Variants in NPC1 observed in about 807,000 individuals in gnomAD.
NPC1 encodes NPC intracellular cholesterol transporter 1, also known as Niemann-Pick C1 protein.
Under a neutral mutation model 140.4 loss-of-function variants are expected in NPC1, and 85 were observed. That is an observed-to-expected ratio of 0.61 (90% CI 0.51 to 0.72). The LOEUF (loss-of-function observed/expected upper bound fraction) is 0.72. Among genes scored for constraint, NPC1 ranks in the 30% least tolerant of loss-of-function variants. The pLI, the probability that NPC1 is intolerant of heterozygous loss-of-function variation, is 0.00. For synonymous variants in NPC1, 656 were observed against 624.8 expected (o/e 1.05, Z -0.74); for missense variants, 1,504 against 1,623.8 (o/e 0.93, Z 1.27).
intron 3 of NPC1, among the ~76,000 whole-genome samples, chr18:23,508,437 T>C (rs1259323090): frequency 6.6e-6 from 1 of 152,188 alleles, no homozygotes; most frequent in Non-Finnish European, 1.5e-5. Flanking sequence ...AAGTTTCCTT[T>C]CCTCAATTTG....
intron 3 of NPC1, among the ~76,000 whole-genome samples, chr18:23,509,998 T>C (rs2057809023): frequency 6.7e-6 from 1 of 149,798 alleles, no homozygotes; most frequent in South Asian, 2.1e-4. Context: ...TTTTTTTTTT[T>C]TATAATTGCA....
intron 9 of NPC1, among the ~76,000 whole-genome samples, 161 bp from the exon 10 acceptor site, chr18:23,551,888 T>C (rs113184807): frequency 6.6e-6 from 1 of 152,224 alleles, no homozygotes; most frequent in Non-Finnish European, 1.5e-5. Context: ...CACTCACCTT[T>C]GGGAGCTCAG....
chr18:23,584,995 T>A lies in NPC1; in HGVS notation c.57+1292A>T, dbSNP rs116124713. Among the ~76,000 whole-genome samples the A allele has an allele frequency of 4.5e-3, 681 of 152,276 alleles. 3 individuals carry two copies. Among genetic ancestry groups the A allele is most frequent in the African/African-American group, 0.016 (650 of 41,542 alleles). On this transcript the variant is annotated intron_variant, in intron 1 of 24. Coordinates refer to ENST00000269228, the MANE Select transcript of NPC1 (RefSeq NM_000271.5). ...CCAGGAGTTCCAGGCTGCAGTGAGC[T>A]ATGATGGCGACACTGCCCCCACGCC...
At position 23,544,529 on chromosome 18, in the gene NPC1, G is replaced by A; in HGVS notation, c.1948-3C>T. 2.5e-6 allele frequency: 4 copies of A among 1,613,990 alleles called. No individual in the cohort carries two copies. Among genetic ancestry groups the A allele is most frequent in the Middle Eastern group, 1.7e-4 (1 of 6,050 alleles). On this transcript the variant is annotated splice_polypyrimidine_tract_variant and splice_region_variant and intron_variant, in intron 12 of 24. Transcript: ENST00000269228. ...CCTAGTGAGACCTTCGAATCCACCT[G>A]AGAGAGGCGACAGACACAATCACCA...
Position 23,544,948 on chromosome 18 carries a change from C to CCCCCA in NPC1, c.1947+11_1947+12insTGGGG, listed in dbSNP as rs1555634669. ...TAACCTCTAGAACATACACCACCCC[C>CCCCCA]CCCCGGCTTACCAGAAGCCTGCGAC... On this transcript the variant is annotated intron_variant, in intron 12 of 24. Coordinates refer to ENST00000269228, the MANE Select transcript of NPC1 (RefSeq NM_000271.5). 9.0e-5 allele frequency: 124 copies of CCCCCA among 1,379,512 alleles called. 5 individuals are homozygous for CCCCCA. In the South Asian group the frequency reaches 1.2e-3, roughly 13 times the overall value. The allele number at this position is 1,379,512 out of a possible 1,614,324, so 85.5% of individuals were successfully genotyped here. A position where few individuals can be genotyped will look rare whatever the true frequency, so the allele number is the denominator to read the frequency against.
chr18:23,516,028 T>A (rs1342236726), intron 3 of NPC1: 1 of 1,613,730 alleles, frequency 6.2e-7, no homozygotes, highest in South Asian at 1.1e-5. Context: ...AAAAAACACC[T>A]TTCCCCAGTT....
downstream of NPC1, chr18:23,530,392 T>G: frequency 6.2e-7 from 1 of 1,614,186 alleles, no homozygotes; most frequent in Non-Finnish European, 8.5e-7. Flanking sequence ...GCTAGCGACT[T>G]TCAACAGCAA....
chr18:23,572,895 G>A (rs1599010377), intron 2 of NPC1, among the ~76,000 whole-genome samples: 2 of 152,158 alleles, frequency 1.3e-5, no homozygotes, highest in South Asian at 2.1e-4. Context: ...TTATCATGTC[G>A]ACTTGACTTT....
downstream of NPC1, among the ~76,000 whole-genome samples, chr18:23,517,812 G>A (rs2145198101): frequency 6.6e-6 from 1 of 152,124 alleles, no homozygotes; most frequent in South Asian, 2.1e-4. Context: ...CCGCCTTCTA[G>A]GTTCAAGTGA....
rs1370541908 is a variant in NPC1, at chr18:23,586,454, G to A, written c.-111C>T. 1 of 1,488,622 alleles carries A rather than the reference G, an allele frequency of 6.7e-7. No individual in the cohort carries two copies. Among genetic ancestry groups the A allele is most frequent in the Non-Finnish European group, 8.9e-7 (1 of 1,126,232 alleles). 92.2% of individuals were successfully genotyped at this position (1,488,622 alleles called of 1,614,324 possible). A position where few individuals can be genotyped will look rare whatever the true frequency, so the allele number is the denominator to read the frequency against. Reference sequence around the variant, plus strand: ...AGCACCCCGCGCAGGAGGAGCGGAGGAGCAGGAGCAGGCGCTGACCGCGGC... The same window carrying A: ...AGCACCCCGCGCAGGAGGAGCGGAGAAGCAGGAGCAGGCGCTGACCGCGGC... On this transcript the variant is annotated 5_prime_UTR_variant, in exon 1 of 25. Coordinates refer to ENST00000269228, the MANE Select transcript of NPC1 (RefSeq NM_000271.5).
chr18:23,545,400 G>A (rs1269952517), intron 11 of NPC1, among the ~76,000 whole-genome samples: 1 of 152,128 alleles, frequency 6.6e-6, no homozygotes, highest in Non-Finnish European at 1.5e-5. Context: ...GCGCCACCAG[G>A]CCCGGCTAAT....
At chr18:23,509,219 C>A in intron 3 of NPC1, 1 of 1,454,290 alleles carries the variant, frequency 6.9e-7, no homozygotes, top group Non-Finnish European at 9.1e-7. Flanking sequence ...TTCTAGGATT[C>A]TGCTGGACTA....
At chr18:23,556,169 C>CA (rs1236713828) in intron 8 of NPC1, 74 bp downstream of exon 8, 36 of 1,283,558 alleles carry the variant, frequency 2.8e-5, no homozygotes, top group Non-Finnish European at 3.4e-5. Flanking sequence ...CCCCATCTAG[C>CA]AGTAGTCAAC....
chr18:23,530,136 T>C (rs1189897540), downstream of NPC1: 2 of 1,614,010 alleles, frequency 1.2e-6, no homozygotes, highest in Admixed American at 1.7e-5. Context: ...ACCTTTGGTA[T>C]GCATTGCCAG....
intron 9 of NPC1, among the ~76,000 whole-genome samples, chr18:23,553,374 G>A (rs1014730289): frequency 2.6e-5 from 4 of 152,170 alleles, no homozygotes; most frequent in Non-Finnish European, 5.9e-5. Flanking sequence ...GGAGAATGCC[G>A]GTTTAGGGTA....
intron 3 of NPC1, among the ~76,000 whole-genome samples, chr18:23,571,853 C>T (rs2059208551): frequency 6.6e-6 from 1 of 151,660 alleles, no homozygotes. Context: ...CTCTATTATA[C>T]ACACACGCAT....
At chr18:23,543,410 A>G in intron 14 of NPC1, 45 bp downstream of exon 14, 1 of 1,092,634 alleles carries the variant, frequency 9.2e-7, no homozygotes, top group Non-Finnish European at 1.4e-6. Flanking sequence ...TTCTTTCTCC[A>G]GGCTCAGCAG....
chr18:23,572,150 C>T lies in NPC1; in HGVS notation c.211G>A (p.Val71Ile). The change falls in exon 3 of 25, where the codon GTC becomes ATC. Residue 71 changes from valine (V) to isoleucine (I), a missense_variant. Val to Ile is a conservative substitution (Grantham distance 29). Coordinates refer to ENST00000269228, the MANE Select transcript of NPC1 (RefSeq NM_000271.5). Reference protein sequence around the residue: ...ELCPGFFFGNVSLCCDVRQLQ... With the variant: ...ELCPGFFFGNISLCCDVRQLQ... ...TGCCGAACATCACAACAGAGACTGACATTGCCAAAGAAGAATCCTGGACAG... is the reference window on the plus strand; with the variant it reads ...TGCCGAACATCACAACAGAGACTGATATTGCCAAAGAAGAATCCTGGACAG... The T allele has an allele frequency of 1.9e-6, 3 of 1,613,402 alleles. No homozygotes were observed. Among genetic ancestry groups the T allele is most frequent in the Non-Finnish European group, 2.5e-6 (3 of 1,179,592 alleles).
chr18:23,585,983 T>A (rs1444098718), intron 1 of NPC1, among the ~76,000 whole-genome samples: 2 of 152,184 alleles, frequency 1.3e-5, no homozygotes, highest in Admixed American at 6.5e-5. Flanking sequence ...AGTGTCCCTA[T>A]CCCACTCTAC....
Sources: gnomAD v4.1 joint callset for allele counts (sites outside exome capture counted in the v4.1 genomes callset) on GRCh38, gnomAD v4.1.1 for gene constraint, MANE v1.5 for transcripts, NCBI Gene and HGNC (gene_info 2026-07-23, HGNC 2026-07-21) for gene names.